FRMD5: variants seen among roughly 807,000 people sequenced by gnomAD.
The protein encoded by FRMD5 is FERM domain containing 5, also known as FERM domain-containing protein 5.
FRMD5 carries 20 observed loss-of-function variants against 69.0 expected under a neutral mutation model. That is an observed-to-expected ratio of 0.29 (90% CI 0.20 to 0.42). The LOEUF (loss-of-function observed/expected upper bound fraction) is 0.42, where lower values mean the gene tolerates loss of function less well. FRMD5 is among the 10% of genes least tolerant of loss of function. The pLI is 1.00. For missense variants in FRMD5, 595 were observed against 708.6 expected, an observed-to-expected ratio of 0.84 and a Z score of 1.82; for synonymous variants, 271 against 260.1, an observed-to-expected ratio of 1.04 and a Z score of -0.40.
chr15:43,996,233 G>A (rs1042039652), intron 1 of FRMD5, among the ~76,000 whole-genome samples: 2 of 152,162 alleles, frequency 1.3e-5, no homozygotes, highest in South Asian at 2.1e-4. Flanking sequence ...ATCTAGCTTG[G>A]CACTGTGGTG....
chr15:43,873,335 C>T lies in FRMD5; in HGVS notation c.*550G>A, dbSNP rs1189480860. 2.7e-6 allele frequency: 4 copies of T among 1,487,164 alleles called. No homozygotes were observed. Among genetic ancestry groups the T allele is most frequent in the Non-Finnish European group, 3.6e-6 (4 of 1,125,810 alleles). The allele number at this position is 1,487,164 out of a possible 1,614,324, so 92.1% of individuals were successfully genotyped here. On this transcript the variant is annotated 3_prime_UTR_variant, in exon 14 of 14. Coordinates refer to ENST00000417257, the MANE Select transcript of FRMD5 (RefSeq NM_032892.5). ...ATGTTTACTTTTTTAAAAGTTCTGG[C>T]TGGCAAAAAAAACAAACAAAAAACT...
chr15:44,146,765 CAT>C (rs1243767696), intron 1 of FRMD5, among the ~76,000 whole-genome samples: 35 of 152,144 alleles, frequency 2.3e-4, no homozygotes, highest in Admixed American at 5.2e-4. Flanking sequence ...AGCTTTTTTT[CAT>C]ATGTTTGTTG....
intron 1 of FRMD5, among the ~76,000 whole-genome samples, chr15:44,154,255 TTGAGGC>T (rs1345412374): frequency 6.6e-6 from 1 of 151,886 alleles, no homozygotes; most frequent in East Asian, 1.9e-4. Context: ...CCTGGGGAGG[TTGAGGC>T]TGCAGTGAGC....
chr15:44,031,867 C>T (rs1168950597), intron 1 of FRMD5, among the ~76,000 whole-genome samples: 1 of 152,112 alleles, frequency 6.6e-6, no homozygotes, highest in Non-Finnish European at 1.5e-5. Flanking sequence ...TTATTCTGCT[C>T]CAACTCTATA....
In FRMD5 at chr15:43,871,942, C is replaced by T. The variant is rs2088170489; in HGVS notation, c.*1943G>A. The T allele has an allele frequency of 6.6e-6, 1 of 152,240 alleles. No individual in the cohort carries two copies. Among genetic ancestry groups the T allele is most frequent in the African/African-American group, 2.4e-5 (1 of 41,460 alleles). The allele number at this position is 152,240 out of a possible 1,614,324, so 9.4% of individuals were successfully genotyped here. A position where few individuals can be genotyped will look rare whatever the true frequency, so the allele number is the denominator to read the frequency against. On this transcript the variant is annotated 3_prime_UTR_variant, in exon 14 of 14. Coordinates refer to ENST00000417257, the MANE Select transcript of FRMD5 (RefSeq NM_032892.5). ...GAGCTGACTGACCCTCTTCTGCTAACATACTGGTAAGGATCAGTTTTATTG... is the reference window on the plus strand; with the variant it reads ...GAGCTGACTGACCCTCTTCTGCTAATATACTGGTAAGGATCAGTTTTATTG...
Position 43,979,200 on chromosome 15 carries a change from G to A in FRMD5, c.103-54891C>T, listed in dbSNP as rs145175781. On this transcript the variant is annotated intron_variant, in intron 1 of 13. Coordinates refer to ENST00000417257, the MANE Select transcript of FRMD5 (RefSeq NM_032892.5). ...CAAAAAAATACAAAATTAGCCAAGC[G>A]TCATGGCAGGTGCCTGTATCCCAGC... Among the ~76,000 whole-genome samples, 1,184 of 152,162 alleles carry A rather than the reference G, an allele frequency of 7.8e-3. 16 individuals are homozygous for A. The highest frequency in any genetic ancestry group is 0.027 in the African/African-American group (1,126 of 41,528).
intron 1 of FRMD5, among the ~76,000 whole-genome samples, chr15:44,055,238 T>A (rs1566923187): frequency 6.6e-6 from 1 of 152,094 alleles, no homozygotes; most frequent in Non-Finnish European, 1.5e-5. Context: ...TTGTGTCTTA[T>A]TTTATTTTTT....
At chr15:44,091,074 T>G (rs1211487023) in intron 1 of FRMD5, among the ~76,000 whole-genome samples, 1 of 152,204 alleles carries the variant, frequency 6.6e-6, no homozygotes, top group Non-Finnish European at 1.5e-5. Context: ...GCATTTGAGA[T>G]CAATTTATAG....
intron 1 of FRMD5, among the ~76,000 whole-genome samples, chr15:43,930,871 C>T (rs968842404): frequency 4.6e-5 from 7 of 152,190 alleles, no homozygotes; most frequent in African/African-American, 1.7e-4. Context: ...AAGGAAATGT[C>T]ATGGGAGGGA....
intron 1 of FRMD5, among the ~76,000 whole-genome samples, chr15:44,091,295 G>T (rs181310349): frequency 6.6e-6 from 1 of 152,176 alleles, no homozygotes; most frequent in South Asian, 2.1e-4. Context: ...CTTGGCATAT[G>T]TTTATGATAT....
intron 1 of FRMD5, among the ~76,000 whole-genome samples, chr15:44,143,942 A>AAAAAG (rs2077314648): frequency 7.0e-6 from 1 of 142,766 alleles, no homozygotes; most frequent in African/African-American, 2.5e-5. Context: ...AAAAAAAAAA[A>AAAAAG]GGAAAAGAAA....
intron 1 of FRMD5, among the ~76,000 whole-genome samples, chr15:44,126,935 A>T (rs2077031581): frequency 6.6e-6 from 1 of 152,238 alleles, no homozygotes; most frequent in Admixed American, 6.5e-5. Flanking sequence ...ATCACTGGGC[A>T]CTGCTACATT....
chr15:43,968,229 C>T (rs190920149), intron 1 of FRMD5, among the ~76,000 whole-genome samples: 54 of 152,110 alleles, frequency 3.6e-4, no homozygotes, highest in Admixed American at 2.4e-3. Context: ...AATTACTTGA[C>T]GCAAATCCCC....
At chr15:44,120,159 C>T (rs2076926570) in intron 1 of FRMD5, among the ~76,000 whole-genome samples, 1 of 152,052 alleles carries the variant, frequency 6.6e-6, no homozygotes, top group African/African-American at 2.4e-5. Flanking sequence ...GGGCTTTATG[C>T]TGACAATAAT....
intron 1 of FRMD5, among the ~76,000 whole-genome samples, chr15:44,103,812 T>C (rs1270167465): frequency 6.6e-6 from 1 of 152,250 alleles, no homozygotes; most frequent in African/African-American, 2.4e-5. Context: ...ATCTCATATA[T>C]GACAGTGGTC....
intron 1 of FRMD5, among the ~76,000 whole-genome samples, chr15:44,058,294 G>C (rs2140369742): frequency 6.6e-6 from 1 of 152,268 alleles, no homozygotes; most frequent in South Asian, 2.1e-4. Context: ...GTCCAGCATT[G>C]GCAAATCTAT....
chr15:44,036,179 T>C (rs749047793), intron 1 of FRMD5, among the ~76,000 whole-genome samples: 31 of 152,172 alleles, frequency 2.0e-4, no homozygotes, highest in Non-Finnish European at 3.5e-4. Flanking sequence ...ACTCTGTGGT[T>C]TGTTTCAGAC....
In FRMD5 at chr15:43,890,756, G is replaced by A. The variant is rs374103082; in HGVS notation, c.728+1225C>T. Among the ~76,000 whole-genome samples the A allele has an allele frequency of 1.3e-4, 20 of 152,166 alleles. 1 individual carries two copies. The highest frequency in any genetic ancestry group is 9.6e-4 in the East Asian group (5 of 5,194). ...CAGGGCAGCAGCTGCCTTGTGGCACGGCTGTTGTCCTGGGGAGTCGAGTTT... is the reference window on the plus strand; with the variant it reads ...CAGGGCAGCAGCTGCCTTGTGGCACAGCTGTTGTCCTGGGGAGTCGAGTTT... On this transcript the variant is annotated intron_variant, in intron 8 of 13. Transcript: ENST00000417257.
chr15:44,140,191 T>C (rs1409794989), intron 1 of FRMD5, among the ~76,000 whole-genome samples: 2 of 152,124 alleles, frequency 1.3e-5, no homozygotes, highest in South Asian at 2.1e-4. Flanking sequence ...GTCTCAAAGA[T>C]AGTATCAACT....
Sources: gnomAD v4.1 joint callset for allele counts (sites outside exome capture counted in the v4.1 genomes callset) on GRCh38, gnomAD v4.1.1 for gene constraint, MANE v1.5 for transcripts, NCBI Gene and HGNC (gene_info 2026-07-23, HGNC 2026-07-21) for gene names.